SEMA3E: variants seen among roughly 807,000 people sequenced by gnomAD.
SEMA3E encodes semaphorin 3E.
A neutral mutation model predicts 93.6 loss-of-function variants in SEMA3E; 49 were observed. That is an observed-to-expected ratio of 0.52 (90% confidence interval 0.42 to 0.66). The LOEUF (loss-of-function observed/expected upper bound fraction) is 0.66, where lower values mean the gene tolerates loss of function less well. Among genes scored for constraint, SEMA3E ranks in the 30% least tolerant of loss-of-function variants. The probability of loss-of-function intolerance (pLI) is 0.00; values close to 1 mark genes in which losing one functional copy is unlikely to be tolerated. For synonymous variants in SEMA3E, 363 were observed against 330.7 expected, an observed-to-expected ratio of 1.10 and a Z score of -1.06; for missense variants, 906 against 964.8, an observed-to-expected ratio of 0.94 and a Z score of 0.81.
chr7:83,432,181 A>G (rs1788897518), intron 4 of SEMA3E, among the ~76,000 whole-genome samples: 1 of 152,158 alleles, frequency 6.6e-6, no homozygotes, highest in African/African-American at 2.4e-5. Context: ...TGTGGATGAG[A>G]AACAAGCCAC....
At chr7:83,591,796 G>A (rs1478541013) in intron 1 of SEMA3E, among the ~76,000 whole-genome samples, 1 of 151,910 alleles carries the variant, frequency 6.6e-6, no homozygotes, top group East Asian at 1.9e-4. Context: ...TATGCCACTT[G>A]CCCTAAGAAA....
At chr7:83,535,500 C>A (rs1401318656) in intron 1 of SEMA3E, among the ~76,000 whole-genome samples, 2 of 151,800 alleles carry the variant, frequency 1.3e-5, no homozygotes, top group Admixed American at 1.3e-4. Flanking sequence ...GTAATCACAG[C>A]AGTCACAGAA....
At chr7:83,484,232 C>A (rs1033132946) in intron 2 of SEMA3E, among the ~76,000 whole-genome samples, 1 of 152,176 alleles carries the variant, frequency 6.6e-6, no homozygotes. Flanking sequence ...CGCCTTCTCA[C>A]TAATTTTTTC....
intron 4 of SEMA3E, among the ~76,000 whole-genome samples, chr7:83,438,298 A>G (rs1354317339): frequency 5.9e-5 from 9 of 152,128 alleles, no homozygotes; most frequent in African/African-American, 1.9e-4. Context: ...GTAGAAAATG[A>G]TATAGCCTTC....
At chr7:83,555,087 T>C (rs998459593) in intron 1 of SEMA3E, among the ~76,000 whole-genome samples, 2 of 152,200 alleles carry the variant, frequency 1.3e-5, no homozygotes, top group Non-Finnish European at 2.9e-5. Context: ...AATTATTCAT[T>C]ATAGAGAATA....
intron 4 of SEMA3E, among the ~76,000 whole-genome samples, chr7:83,438,304 C>T (rs1451589873): frequency 1.3e-5 from 2 of 151,936 alleles, no homozygotes; most frequent in Non-Finnish European, 2.9e-5. Context: ...AATGATATAG[C>T]CTTCTATAAT....
intron 1 of SEMA3E, among the ~76,000 whole-genome samples, chr7:83,562,236 T>G (rs1267528246): frequency 6.6e-6 from 1 of 152,146 alleles, no homozygotes; most frequent in Non-Finnish European, 1.5e-5. Flanking sequence ...GTTACAGAGA[T>G]ACTTTTGCAT....
At position 83,407,390 on chromosome 7, in the gene SEMA3E, C is replaced by T. The variant is rs1253672247; in HGVS notation, c.671-151G>A. The T allele has an allele frequency of 7.0e-6, 5 of 718,596 alleles. No individual in the cohort carries two copies. The East Asian group carries it at 1.4e-4, about 20-fold the overall frequency. The allele number at this position is 718,596 out of a possible 1,614,324, so 44.5% of individuals were successfully genotyped here. On this transcript the variant is annotated intron_variant, in intron 6 of 16. Transcript: ENST00000643230. ...ATTTTTCTTGAATTTTTTTACCAAA[C>T]ATTAAAAACTATGTTGATATCTCCA... is the stretch of plus-strand genomic sequence containing the variant.
intron 16 of SEMA3E, among the ~76,000 whole-genome samples, chr7:83,380,183 G>A (rs926709164): frequency 2.0e-5 from 3 of 150,292 alleles, no homozygotes; most frequent in Non-Finnish European, 4.5e-5. Flanking sequence ...AATATTTTGT[G>A]ATTGCTTCTC....
intron 1 of SEMA3E, among the ~76,000 whole-genome samples, chr7:83,613,988 G>T (rs2115595888): frequency 6.6e-6 from 1 of 152,146 alleles, no homozygotes; most frequent in South Asian, 2.1e-4. Context: ...ATATCACTGA[G>T]TCTCTAATTG....
chr7:83,571,161 TA>T (rs1282325996), intron 1 of SEMA3E, among the ~76,000 whole-genome samples: 1 of 151,900 alleles, frequency 6.6e-6, no homozygotes, highest in Non-Finnish European at 1.5e-5. Context: ...AAACAACTTA[TA>T]CCAATTCTAC....
rs73708506 is a variant in SEMA3E, at chr7:83,598,370, A to G, written c.115+50058T>C. On this transcript the variant is annotated intron_variant, in intron 1 of 16. Transcript: ENST00000643230. ...AAAAGACTCTAAGAATGCCACCATG[A>G]TAAATGATGCCATTTTATTCTGTCG... Among the ~76,000 whole-genome samples the G allele has an allele frequency of 1.6e-3, 250 of 152,348 alleles. 1 individual carries two copies. The highest frequency in any genetic ancestry group is 5.5e-3 in the African/African-American group (229 of 41,592).
chr7:83,644,347 T>G (rs935669096), intron 1 of SEMA3E, among the ~76,000 whole-genome samples: 1 of 152,092 alleles, frequency 6.6e-6, no homozygotes, highest in East Asian at 1.9e-4. Flanking sequence ...TTTTATGCGA[T>G]TTAAGAGCAA....
chr7:83,551,982 T>C (rs1314935215), intron 1 of SEMA3E, among the ~76,000 whole-genome samples: 2 of 152,200 alleles, frequency 1.3e-5, no homozygotes, highest in Admixed American at 1.3e-4. Flanking sequence ...GACATATTTT[T>C]AATTGTCACA....
In SEMA3E at chr7:83,366,902, CT is replaced by C. The variant is rs1296075332; in HGVS notation, c.*683del. 3 of 152,148 alleles carry C rather than the reference CT, an allele frequency of 2.0e-5. No homozygotes were observed. The highest frequency in any genetic ancestry group is 4.4e-5 in the Non-Finnish European group (3 of 68,008). The allele number at this position is 152,148 out of a possible 1,614,324, so 9.4% of individuals were successfully genotyped here. A position where few individuals can be genotyped will look rare whatever the true frequency, so the allele number is the denominator to read the frequency against. Reference sequence around the variant, plus strand: ...TGACATTCTTTCTGAGATTTGATATCTTTCTGAGAAGTTACCTTAGTTTTTA... The same window carrying C: ...TGACATTCTTTCTGAGATTTGATATCTTCTGAGAAGTTACCTTAGTTTTTA... On this transcript the variant is annotated 3_prime_UTR_variant, in exon 17 of 17. Transcript: ENST00000643230.
At chr7:83,377,976 T>C (rs1270109794) in intron 16 of SEMA3E, among the ~76,000 whole-genome samples, 1 of 152,034 alleles carries the variant, frequency 6.6e-6, no homozygotes, top group East Asian at 1.9e-4. Context: ...TGGAGGTTCA[T>C]AAATTCAAGT....
chr7:83,499,027 T>C (rs1790545723), intron 1 of SEMA3E, among the ~76,000 whole-genome samples: 1 of 134,394 alleles, frequency 7.4e-6, no homozygotes. Context: ...AATATAAACC[T>C]TTTTCTTTAC....
chr7:83,538,082 G>A (rs1791441677), intron 1 of SEMA3E, among the ~76,000 whole-genome samples: 1 of 152,024 alleles, frequency 6.6e-6, no homozygotes, highest in East Asian at 1.9e-4. Context: ...GATATACCAT[G>A]GTTTGTTTAT....
chr7:83,560,616 C>T (rs980150619), intron 1 of SEMA3E, among the ~76,000 whole-genome samples: 1 of 152,050 alleles, frequency 6.6e-6, no homozygotes, highest in Middle Eastern at 3.4e-3. Flanking sequence ...TAGAATTCTC[C>T]TTTGAACTGA....
Sources: gnomAD v4.1 joint callset for allele counts (sites outside exome capture counted in the v4.1 genomes callset) on GRCh38, gnomAD v4.1.1 for gene constraint, MANE v1.5 for transcripts, NCBI Gene and HGNC (gene_info 2026-07-23, HGNC 2026-07-21) for gene names.